The following ADK variants were observed in gnomAD, a reference collection of about 807,000 sequenced individuals.
The protein encoded by ADK is N6,N6-dimethyladenosine kinase.
In ADK, 24 loss-of-function variants were observed where a neutral mutation model predicts 44.7. That is an observed-to-expected ratio of 0.54 (90% confidence interval 0.39 to 0.76). The LOEUF (loss-of-function observed/expected upper bound fraction) is 0.76, where lower values mean the gene tolerates loss of function less well. Ranked by LOEUF, ADK falls within the 30% of genes least tolerant of loss-of-function variation. ADK has a pLI of 0.00. For missense variants in ADK, 321 were observed against 425.1 expected, an observed-to-expected ratio of 0.76 and a Z score of 2.15; for synonymous variants, 128 against 142.6, an observed-to-expected ratio of 0.90 and a Z score of 0.73.
intron 10 of ADK, among the ~76,000 whole-genome samples, chr10:74,705,119 G>A (rs1287491961): frequency 6.6e-6 from 1 of 152,198 alleles, no homozygotes; most frequent in Admixed American, 6.5e-5. Flanking sequence ...GGTAGAAGAA[G>A]GAGGACATAA....
At chr10:74,282,980 C>A (rs943695084) in intron 3 of ADK, among the ~76,000 whole-genome samples, 1 of 152,114 alleles carries the variant, frequency 6.6e-6, no homozygotes, top group Non-Finnish European at 1.5e-5. Flanking sequence ...GATTTACTGA[C>A]GTAGAAGCAA....
intron 3 of ADK, among the ~76,000 whole-genome samples, chr10:74,245,539 A>G (rs1258835317): frequency 6.6e-6 from 1 of 151,528 alleles, no homozygotes; most frequent in Non-Finnish European, 1.5e-5. Flanking sequence ...CATGCCAAGT[A>G]TTGATATTAG....
intron 3 of ADK, among the ~76,000 whole-genome samples, chr10:74,241,712 T>C (rs1845216708): frequency 2.0e-5 from 3 of 152,114 alleles, no homozygotes; most frequent in Admixed American, 6.5e-5. Context: ...CAAGATTAAT[T>C]GATTGATTGA....
In ADK at chr10:74,414,108, T is replaced by C. The variant is rs1028137868; in HGVS notation, c.555+15529T>C. On this transcript the variant is annotated intron_variant, in intron 6 of 10. Coordinates refer to ENST00000539909, the MANE Select transcript of ADK (RefSeq NM_006721.4). Reference sequence around the variant, plus strand: ...ATAAAAGATATAAAAGTTTGAAATATTGAAAGAATTACCAAAATATGACAG... The same window carrying C: ...ATAAAAGATATAAAAGTTTGAAATACTGAAAGAATTACCAAAATATGACAG... Among the ~76,000 whole-genome samples, 28 of 152,264 alleles carry C rather than the reference T, an allele frequency of 1.8e-4. 1 individual carries two copies. Among genetic ancestry groups the C allele is most frequent in the Admixed American group, 1.6e-3 (24 of 15,296 alleles).
chr10:74,455,923 C>T (rs1462881877), intron 6 of ADK, among the ~76,000 whole-genome samples: 3 of 152,098 alleles, frequency 2.0e-5, no homozygotes, highest in Non-Finnish European at 2.9e-5. Flanking sequence ...TCTTTGGCTG[C>T]GCTTAACATT....
intron 9 of ADK, among the ~76,000 whole-genome samples, chr10:74,642,352 GCAC>G (rs1420500743): frequency 7.5e-6 from 1 of 133,078 alleles, no homozygotes; most frequent in Non-Finnish European, 1.5e-5. Flanking sequence ...ATTTTTTGAT[GCAC>G]TCAATTTTTT....
chr10:74,654,821 GAAAAA>G (rs11354070), intron 9 of ADK: 1 of 136,348 alleles, frequency 7.3e-6, no homozygotes, highest in Non-Finnish European at 1.6e-5. Context: ...TGTCTCAATA[GAAAAA>G]AAAAAAAAAG....
At chr10:74,365,053 A>G (rs979046260) in intron 4 of ADK, among the ~76,000 whole-genome samples, 4 of 152,188 alleles carry the variant, frequency 2.6e-5, no homozygotes, top group East Asian at 3.8e-4. Context: ...TTTCCTTACA[A>G]TGCTTCAGTA....
At chr10:74,407,414 A>G (rs781364320) in intron 6 of ADK, among the ~76,000 whole-genome samples, 10 of 152,120 alleles carry the variant, frequency 6.6e-5, no homozygotes, top group Non-Finnish European at 1.0e-4. Context: ...ATCTCTACAT[A>G]GTATGCTTAT....
chr10:74,688,730 T>C (rs1855876349), intron 10 of ADK, among the ~76,000 whole-genome samples: 1 of 151,806 alleles, frequency 6.6e-6, no homozygotes. Flanking sequence ...ACCAGAGCAA[T>C]ATCGTGAGAC....
rs1840075156 is a variant in ADK at position 74,302,127 on chromosome 10, T to TTTTTTTTTTTTTTTTTTTTG, written c.195-12539_195-12520dup. Among the ~76,000 whole-genome samples the TTTTTTTTTTTTTTTTTTTTG allele has an allele frequency of 3.0e-5, 3 of 99,664 alleles. 1 individual carries two copies. Among genetic ancestry groups the TTTTTTTTTTTTTTTTTTTTG allele is most frequent in the African/African-American group, 1.3e-4 (3 of 23,304 alleles). 65.4% of individuals were successfully genotyped at this position (99,664 alleles called of 152,430 possible). On this transcript the variant is annotated intron_variant, in intron 3 of 10. Coordinates refer to ENST00000539909, the MANE Select transcript of ADK (RefSeq NM_006721.4). ...TTTGTTTGTTTTTTTTTTTTTTTTT[T>TTTTTTTTTTTTTTTTTTTTG]TTTTTTTTTTTTTTTTTTTGAGATG...
At chr10:74,383,083 GTAACAA>G (rs1317474426) in intron 4 of ADK, among the ~76,000 whole-genome samples, 2 of 151,798 alleles carry the variant, frequency 1.3e-5, no homozygotes, top group Admixed American at 6.6e-5. Context: ...TGACTTAGAA[GTAACAA>G]TAACAATAGT....
intron 9 of ADK, among the ~76,000 whole-genome samples, chr10:74,614,078 C>A (rs947093305): frequency 7.2e-5 from 11 of 152,100 alleles, no homozygotes; most frequent in African/African-American, 2.7e-4. Context: ...AAGATAAACT[C>A]CTTTAATTAA....
At chr10:74,258,104 C>G (rs189719253) in intron 3 of ADK, among the ~76,000 whole-genome samples, 18 of 152,190 alleles carry the variant, frequency 1.2e-4, no homozygotes, top group African/African-American at 4.3e-4. Flanking sequence ...ATGAGCTTTT[C>G]CTCTTGCTTG....
chr10:74,321,154 G>A (rs1840793901), intron 4 of ADK, among the ~76,000 whole-genome samples: 1 of 152,004 alleles, frequency 6.6e-6, no homozygotes, highest in African/African-American at 2.4e-5. Context: ...ATGCCATCTT[G>A]GGGTATATTC....
intron 6 of ADK, among the ~76,000 whole-genome samples, chr10:74,513,581 C>T (rs760546997): frequency 6.6e-6 from 1 of 152,076 alleles, no homozygotes; most frequent in Non-Finnish European, 1.5e-5. Context: ...TCCATTTGCA[C>T]TGAATATTTT....
At chr10:74,294,122 C>T (rs1017426561) in intron 3 of ADK, among the ~76,000 whole-genome samples, 1 of 152,016 alleles carries the variant, frequency 6.6e-6, no homozygotes, top group African/African-American at 2.4e-5. Context: ...TTTTCTTTTC[C>T]ATGTCCTATT....
At chr10:74,322,679 A>G (rs1303015529) in intron 4 of ADK, among the ~76,000 whole-genome samples, 2 of 151,678 alleles carry the variant, frequency 1.3e-5, no homozygotes, top group Admixed American at 6.6e-5. Flanking sequence ...TCAGTATTTC[A>G]TTTTTTCCTT....
At chr10:74,699,129 A>G (rs1856315136) in intron 10 of ADK, among the ~76,000 whole-genome samples, 1 of 143,358 alleles carries the variant, frequency 7.0e-6, no homozygotes, top group Non-Finnish European at 1.5e-5. Flanking sequence ...GAGGTGAGGC[A>G]TGAGCCACCC....
Sources: gnomAD v4.1 joint callset for allele counts (sites outside exome capture counted in the v4.1 genomes callset) on GRCh38, gnomAD v4.1.1 for gene constraint, MANE v1.5 for transcripts, NCBI Gene and HGNC (gene_info 2026-07-23, HGNC 2026-07-21) for gene names.